The following SMYD2 variants were observed in gnomAD, a reference collection of about 807,000 sequenced individuals.
The protein encoded by SMYD2 is SET and MYND domain containing 2.
Under a neutral mutation model 59.1 loss-of-function variants are expected in SMYD2, and 53 were observed. That is an observed-to-expected ratio of 0.90 (90% CI 0.72 to 1.13). The LOEUF (loss-of-function observed/expected upper bound fraction) is 1.13, where lower values mean the gene tolerates loss of function less well. SMYD2 is among the 50% of genes most tolerant of loss of function. The pLI is 0.00. For synonymous variants in SMYD2, 208 were observed against 198.8 expected (o/e 1.05, Z -0.39); for missense variants, 494 against 544.7 (o/e 0.91, Z 0.93).
At chr1:214,322,584 A>C (rs1034253140) in intron 5 of SMYD2, among the ~76,000 whole-genome samples, 4 of 152,156 alleles carry the variant, frequency 2.6e-5, no homozygotes, top group African/African-American at 9.7e-5. Context: ...GTATACCAAG[A>C]TTTTCAAGCC....
chr1:214,310,065 A>G (rs547739707), intron 2 of SMYD2, among the ~76,000 whole-genome samples: 1 of 152,358 alleles, frequency 6.6e-6, no homozygotes, highest in Non-Finnish European at 1.5e-5. Flanking sequence ...CAAATGCTAG[A>G]GGCAGAAAAG....
At chr1:214,295,656 C>G (rs913115157) in intron 1 of SMYD2, among the ~76,000 whole-genome samples, 2 of 152,310 alleles carry the variant, frequency 1.3e-5, no homozygotes, top group South Asian at 2.1e-4. Flanking sequence ...TGGTGCTGAG[C>G]GAAGGTTCAG....
At position 214,330,166 on chromosome 1, in the gene SMYD2, A is replaced by G. The variant is rs1273717853; in HGVS notation, c.706-2A>G. The G allele has an allele frequency of 1.9e-6, 3 of 1,594,360 alleles. No individual in the cohort carries two copies. Among genetic ancestry groups the G allele is most frequent in the Admixed American group, 1.7e-5 (1 of 58,398 alleles). ...GAAGCTTTATCTTTTTGGACCCCGT[A>G]GGTTTTTACCAGCTATATTGATCTC... On this transcript the variant is annotated splice_acceptor_variant, in intron 7 of 11. Coordinates refer to ENST00000366957, the MANE Select transcript of SMYD2 (RefSeq NM_020197.3). LOFTEE classifies it high-confidence loss of function.
At chr1:214,299,995 G>C (rs1258608886) in intron 1 of SMYD2, among the ~76,000 whole-genome samples, 1 of 152,210 alleles carries the variant, frequency 6.6e-6, no homozygotes, top group Non-Finnish European at 1.5e-5. Context: ...AGGAAGGAGA[G>C]AGGGGAGGGA....
intron 2 of SMYD2, among the ~76,000 whole-genome samples, chr1:214,311,758 C>T (rs1657001933): frequency 6.6e-6 from 1 of 152,086 alleles, no homozygotes; most frequent in Non-Finnish European, 1.5e-5. Flanking sequence ...TCATATTTAA[C>T]TTCCCAGGAA....
intron 1 of SMYD2, among the ~76,000 whole-genome samples, chr1:214,291,814 A>C (rs1385458482): frequency 6.6e-6 from 1 of 152,086 alleles, no homozygotes; most frequent in Admixed American, 6.6e-5. Context: ...CAACATCCCT[A>C]TGTTGGTTAA....
intron 1 of SMYD2, among the ~76,000 whole-genome samples, chr1:214,287,586 C>CAAAA (rs36187427): frequency 0.47 from 34,985 of 75,114 alleles, 8,695 homozygotes; most frequent in Non-Finnish European, 0.53. Flanking sequence ...GACTATGTCT[C>CAAAA]AAAAAAAAAA....
intron 2 of SMYD2, among the ~76,000 whole-genome samples, chr1:214,307,826 A>G (rs990409042): frequency 3.9e-5 from 6 of 152,330 alleles, no homozygotes; most frequent in East Asian, 1.9e-4. Flanking sequence ...GGAGGCTCAC[A>G]TTAACCAATA....
At chr1:214,331,137 A>G (rs1334834311) in intron 9 of SMYD2, 67 bp downstream of exon 9, 24 of 1,600,122 alleles carry the variant, frequency 1.5e-5, no homozygotes, top group Non-Finnish European at 2.0e-5. Flanking sequence ...GAAGTTGGAA[A>G]GAGGGAGCAG....
At chr1:214,288,437 G>C (rs533502830) in intron 1 of SMYD2, among the ~76,000 whole-genome samples, 71 of 152,266 alleles carry the variant, frequency 4.7e-4, no homozygotes, top group African/African-American at 1.6e-3. Flanking sequence ...AAATCTCCCT[G>C]TTCCTCGTGT....
In SMYD2 at chr1:214,305,064, G is replaced by A. The variant is rs1656894981; in HGVS notation, c.174-123G>A. On this transcript the variant is annotated intron_variant, in intron 1 of 11. Transcript: ENST00000366957. ...AGGAACATGCACCTTCTCAGTGGGA[G>A]AGTAAGGTAAGGTGAACCTTGGCTC... is the stretch of plus-strand genomic sequence containing the variant. The A allele has an allele frequency of 7.0e-6, 6 of 861,520 alleles. No individual in the cohort carries two copies. In the South Asian group the frequency reaches 8.9e-5, roughly 13 times the overall value. 53.4% of individuals were successfully genotyped at this position (861,520 alleles called of 1,614,324 possible). A position where few individuals can be genotyped will look rare whatever the true frequency, so the allele number is the denominator to read the frequency against.
rs1404994649 is a variant in SMYD2 at position 214,332,138 on chromosome 1, T to C, written c.1058T>C (p.Met353Thr). The change falls in exon 10 of 12, where the codon ATG becomes ACG. Residue 353 changes from methionine (M) to threonine (T), a missense_variant. Coordinates refer to ENST00000366957, the MANE Select transcript of SMYD2 (RefSeq NM_020197.3). ...CAGGCCATGGGTGTCTGCTTGTACA[T>C]GCAGGACTGGGAAGGAGCCCTGCAA... is the stretch of plus-strand genomic sequence containing the variant. ...MYQAMGVCLY[M>T]QDWEGALQYG... 3 of 1,614,096 alleles carry C rather than the reference T, an allele frequency of 1.9e-6. No individual in the cohort carries two copies. The highest frequency in any genetic ancestry group is 1.7e-5 in the Admixed American group (1 of 60,006).
At chr1:214,285,188 G>A (rs1201819240) in intron 1 of SMYD2, among the ~76,000 whole-genome samples, 1 of 112,678 alleles carries the variant, frequency 8.9e-6, no homozygotes, top group Non-Finnish European at 1.8e-5. Flanking sequence ...CAGTTATAAA[G>A]GCTTTTTTTC....
chr1:214,284,249 G>C (rs1302338342), intron 1 of SMYD2, among the ~76,000 whole-genome samples: 1 of 117,616 alleles, frequency 8.5e-6, no homozygotes, highest in Non-Finnish European at 1.7e-5. Flanking sequence ...CCATTTTTTG[G>C]TGTGGTTTTT....
At chr1:214,295,761 A>G (rs1241185144) in intron 1 of SMYD2, among the ~76,000 whole-genome samples, 1 of 152,230 alleles carries the variant, frequency 6.6e-6, no homozygotes, top group East Asian at 1.9e-4. Flanking sequence ...TCAGTATTAC[A>G]GAAAAACCTG....
At chr1:214,330,338 G>A (rs1657331895) in intron 8 of SMYD2, 60 bp downstream of exon 8, 3 of 1,185,200 alleles carry the variant, frequency 2.5e-6, no homozygotes, top group South Asian at 1.4e-5. Context: ...CCTCTCTGCT[G>A]AAGAGCTTGT....
intron 1 of SMYD2, among the ~76,000 whole-genome samples, chr1:214,281,834 T>C (rs1013821741): frequency 3.3e-5 from 5 of 152,246 alleles, no homozygotes; most frequent in Non-Finnish European, 7.3e-5. Context: ...CTTTAACTTA[T>C]GCTTCCTGCG....
At chr1:214,314,997 T>C (rs1000419376) in intron 3 of SMYD2, 125 bp downstream of exon 3, 25 of 718,216 alleles carry the variant, frequency 3.5e-5, no homozygotes, top group Non-Finnish European at 4.8e-5. Flanking sequence ...TTTCCTATCA[T>C]ATCCATATGG....
chr1:214,327,567 C>A, intron 6 of SMYD2, 55 bp from the exon 7 acceptor site: 1 of 1,428,790 alleles, frequency 7.0e-7, no homozygotes, highest in Non-Finnish European at 9.9e-7. Context: ...GTGAAGGAAG[C>A]TAAACAGTCT....
Sources: allele counts gnomAD v4.1 joint callset (sites outside exome capture counted in the v4.1 genomes callset), GRCh38; gene constraint gnomAD v4.1.1; transcripts MANE v1.5; gene names NCBI Gene and HGNC (gene_info 2026-07-23, HGNC 2026-07-21).